Variants in LRBA observed in about 807,000 individuals in gnomAD.
LRBA encodes lipopolysaccharide-responsive and beige-like anchor protein.
Under a neutral mutation model 330.0 loss-of-function variants are expected in LRBA, and 176 were observed. The observed-to-expected ratio is 0.53, with a 90% CI of 0.47 to 0.60. The LOEUF (loss-of-function observed/expected upper bound fraction) is 0.60, where lower values mean the gene tolerates loss of function less well. LRBA is among the 20% of genes least tolerant of loss of function. The pLI, the probability that LRBA is intolerant of heterozygous loss-of-function variation, is 0.00. For synonymous variants in LRBA, 1,230 were observed against 1,193.0 expected (o/e 1.03, Z -0.64); for missense variants, 3,259 against 3,444.8 (o/e 0.95, Z 1.35).
chr4:150,598,347 AGT>A (rs1773731446), intron 38 of LRBA, among the ~76,000 whole-genome samples: 1 of 152,172 alleles, frequency 6.6e-6, no homozygotes, highest in African/African-American at 2.4e-5. Flanking sequence ...GGAAATTTTC[AGT>A]TTTTCCAATT....
intron 36 of LRBA, 48 bp downstream of exon 36, chr4:150,735,210 T>A: frequency 7.7e-7 from 1 of 1,303,908 alleles, no homozygotes; most frequent in African/African-American, 1.5e-5. Context: ...CTCATGATTA[T>A]CATTAAAAAA....
intron 17 of LRBA, among the ~76,000 whole-genome samples, chr4:150,890,487 G>A (rs1729349518): frequency 1.3e-5 from 2 of 152,054 alleles, no homozygotes; most frequent in Admixed American, 6.6e-5. Context: ...TTAAAAAAAA[G>A]CAAGATCACA....
intron 17 of LRBA, among the ~76,000 whole-genome samples, chr4:150,876,173 A>C (rs76332962): frequency 2.6e-5 from 4 of 152,150 alleles, no homozygotes; most frequent in Non-Finnish European, 5.9e-5. Context: ...CTGAACAAAA[A>C]TTTTCAAAAA....
intron 2 of LRBA, among the ~76,000 whole-genome samples, chr4:150,999,079 T>C (rs1416513425): frequency 1.3e-5 from 2 of 152,148 alleles, no homozygotes; most frequent in Non-Finnish European, 2.9e-5. Flanking sequence ...AAAAATACTT[T>C]TCAATGTAGA....
chr4:150,917,102 G>A (rs1012514094), intron 5 of LRBA, among the ~76,000 whole-genome samples: 3 of 151,552 alleles, frequency 2.0e-5, no homozygotes, highest in Non-Finnish European at 2.9e-5. Flanking sequence ...GCAGTGAGCC[G>A]AGACCACACC....
At chr4:150,509,081 TAA>T (rs1488770947) in intron 40 of LRBA, among the ~76,000 whole-genome samples, 1 of 152,206 alleles carries the variant, frequency 6.6e-6, no homozygotes, top group East Asian at 1.9e-4. Context: ...TCAAAATTGC[TAA>T]AAGAGATTTT....
intron 35 of LRBA, among the ~76,000 whole-genome samples, chr4:150,748,258 T>C (rs1413702270): frequency 6.6e-6 from 1 of 152,232 alleles, no homozygotes; most frequent in Non-Finnish European, 1.5e-5. Flanking sequence ...AATACTTCAG[T>C]AATATCTTCA....
At chr4:150,953,774 C>T (rs13114353) in intron 2 of LRBA, among the ~76,000 whole-genome samples, 1 of 151,766 alleles carries the variant, frequency 6.6e-6, no homozygotes, top group Non-Finnish European at 1.5e-5. Context: ...AGCCTCTGCC[C>T]GGCCGCCACC....
intron 35 of LRBA, among the ~76,000 whole-genome samples, chr4:150,759,092 AT>A (rs1461380575): frequency 6.7e-6 from 1 of 148,924 alleles, no homozygotes; most frequent in African/African-American, 2.5e-5. Context: ...AATTGTTTGC[AT>A]TTTTTGTAGA....
chr4:150,838,019 G>C (rs558193497), intron 28 of LRBA, among the ~76,000 whole-genome samples: 4 of 152,120 alleles, frequency 2.6e-5, no homozygotes, highest in Non-Finnish European at 5.9e-5. Flanking sequence ...TTACTTGTCT[G>C]TAAAGGATTT....
chr4:150,582,271 C>G (rs1771469227), intron 40 of LRBA: 3 of 152,190 alleles, frequency 2.0e-5, no homozygotes, highest in African/African-American at 7.2e-5. Context: ...TAAAGAAACA[C>G]AAGGAGAACC....
intron 40 of LRBA, among the ~76,000 whole-genome samples, chr4:150,530,079 A>G (rs1763899177): frequency 6.6e-6 from 1 of 152,224 alleles, no homozygotes; most frequent in Admixed American, 6.5e-5. Flanking sequence ...TTAATATGTG[A>G]ATCAATTGCT....
At chr4:150,941,072 ACT>A (rs1735620208) in intron 2 of LRBA, among the ~76,000 whole-genome samples, 1 of 151,038 alleles carries the variant, frequency 6.6e-6, no homozygotes, top group South Asian at 2.1e-4. Flanking sequence ...TATCTGAGAG[ACT>A]CTCGTGCAGC....
intron 40 of LRBA, among the ~76,000 whole-genome samples, chr4:150,503,852 T>G (rs1760655752): frequency 6.6e-6 from 1 of 151,882 alleles, no homozygotes; most frequent in Non-Finnish European, 1.5e-5. Flanking sequence ...GAAAAAAAAT[T>G]AGACGAATGG....
chr4:150,964,244 TG>T lies in LRBA; in HGVS notation c.217-35180del, dbSNP rs202101772. Among the ~76,000 whole-genome samples, 95 of 137,184 alleles carry T rather than the reference TG, an allele frequency of 6.9e-4. 1 individual carries two copies. Among genetic ancestry groups the T allele is most frequent in the Non-Finnish European group, 1.2e-3 (77 of 65,272 alleles). The allele number at this position is 137,184 out of a possible 152,430, so 90.0% of individuals were successfully genotyped here. Reference sequence around the variant, plus strand: ...CCCGGCCGCCACCCTGTCTGGGAGATGGGGGGGCCCCTCTGCCCAGCAGCCC... The same window carrying T: ...CCCGGCCGCCACCCTGTCTGGGAGATGGGGGGCCCCTCTGCCCAGCAGCCC... On this transcript the variant is annotated intron_variant, in intron 2 of 56. Transcript: ENST00000651943.
In LRBA at chr4:150,905,907, C is replaced by A. The variant is rs1297090023; in HGVS notation, c.1686G>T (p.Met562Ile). ...SKYLSNLQNG[M>I]PLLKQLCDHV... is the part of the protein sequence containing the mutation. ...GATCACACAATTGCTTGAGCAGGGG[C>A]ATCCCATTCTGCAGATTACTCAGAT... The change falls in exon 13 of 57, where the codon ATG becomes ATT. Residue 562 changes from methionine to isoleucine, a missense_variant. Physicochemically the swap from Met to Ile is conservative, Grantham distance 10. Transcript: ENST00000651943. 1.2e-6 allele frequency: 2 copies of A among 1,613,348 alleles called. No homozygotes were observed. Among genetic ancestry groups the A allele is most frequent in the Admixed American group, 3.3e-5 (2 of 59,976 alleles).
At chr4:150,914,110 C>A in intron 9 of LRBA, 85 bp downstream of exon 9, 1 of 983,240 alleles carries the variant, frequency 1.0e-6, no homozygotes, top group Non-Finnish European at 1.4e-6. Context: ...TTTTTTGTAT[C>A]CATTAACCAA....
intron 47 of LRBA, among the ~76,000 whole-genome samples, chr4:150,360,869 T>A (rs17632340): frequency 0.055 from 8,386 of 152,244 alleles, 392 homozygotes; most frequent in East Asian, 0.2. Context: ...TGTGGCAGCA[T>A]CTGAAAGACG....
chr4:150,495,836 T>C (rs930082879), intron 40 of LRBA, among the ~76,000 whole-genome samples: 2 of 152,204 alleles, frequency 1.3e-5, no homozygotes, highest in Non-Finnish European at 2.9e-5. Context: ...ATAGAAACCA[T>C]ATCATTACCA....
Sources: gnomAD v4.1 joint callset for allele counts (sites outside exome capture counted in the v4.1 genomes callset) on GRCh38, gnomAD v4.1.1 for gene constraint, MANE v1.5 for transcripts, NCBI Gene and HGNC (gene_info 2026-07-23, HGNC 2026-07-21) for gene names.